FHAD1: variants seen among roughly 807,000 people sequenced by gnomAD.
FHAD1 encodes the protein forkhead associated phosphopeptide binding domain 1.
A neutral mutation model predicts 191.3 loss-of-function variants in FHAD1; 146 were observed. The observed-to-expected ratio is 0.76, with a 90% CI of 0.67 to 0.88. FHAD1 has a LOEUF of 0.88. Ranked by LOEUF, FHAD1 falls within the 40% of genes least tolerant of loss-of-function variation. The pLI is 0.00. For synonymous variants in FHAD1, 616 were observed against 672.3 expected, an observed-to-expected ratio of 0.92 and a Z score of 1.29; for missense variants, 1,635 against 1,785.8, an observed-to-expected ratio of 0.92 and a Z score of 1.52.
chr1:15,338,233 C>A (rs983678482), intron 14 of FHAD1, among the ~76,000 whole-genome samples: 2 of 152,142 alleles, frequency 1.3e-5, no homozygotes, highest in Non-Finnish European at 2.9e-5. Flanking sequence ...ATTCTCTTAG[C>A]ATTCAGGATT....
At chr1:15,370,281 T>C (rs1166613626) in intron 26 of FHAD1, among the ~76,000 whole-genome samples, 2 of 152,200 alleles carry the variant, frequency 1.3e-5, no homozygotes, top group Admixed American at 1.3e-4. Context: ...CTGGCCCATA[T>C]AGATATTTGT....
Position 15,272,334 on chromosome 1 carries a change from C to G in FHAD1, c.105C>G (p.Ile35Met). The part of the protein sequence containing the change: ...NSDLVLQSPD[I>M]DNHHALIEYN... ...CTTCTCCGTTGCAGTCTCCTGACAT[C>G]GACAACCACCATGCACTCATTGAAT... Residue 35 changes from isoleucine (I) to methionine (M), a missense_variant, in exon 3 of 34, where the codon ATC (isoleucine) becomes ATG (methionine). Physicochemically the swap from Ile to Met is conservative, Grantham distance 10. Coordinates refer to ENST00000688493, the MANE Select transcript of FHAD1 (RefSeq NM_001391957.1). The G allele has an allele frequency of 1.0e-5, 16 of 1,549,968 alleles. No homozygotes were observed. Among genetic ancestry groups the G allele is most frequent in the Non-Finnish European group, 1.4e-5 (16 of 1,145,490 alleles).
intron 31 of FHAD1, among the ~76,000 whole-genome samples, chr1:15,382,769 G>A (rs996635846): frequency 2.6e-5 from 4 of 152,226 alleles, no homozygotes; most frequent in Admixed American, 2.6e-4. Flanking sequence ...AGCCTGGTTA[G>A]AACATGCAGC....
chr1:15,247,860 A>G (rs531092301), intron 1 of FHAD1, among the ~76,000 whole-genome samples: 6 of 152,300 alleles, frequency 3.9e-5, no homozygotes, highest in Admixed American at 1.3e-4. Flanking sequence ...CTTGTGACCT[A>G]TAAGCAGGGA....
At chr1:15,324,334 C>T in intron 10 of FHAD1, 118 bp from the exon 11 acceptor site, 3 of 782,254 alleles carry the variant, frequency 3.8e-6, no homozygotes, top group Non-Finnish European at 6.5e-6. Context: ...GCCACATGGG[C>T]TGCAGCTGTG....
At chr1:15,302,561 T>G (rs897069865) in intron 6 of FHAD1, among the ~76,000 whole-genome samples, 8 of 152,078 alleles carry the variant, frequency 5.3e-5, no homozygotes, top group African/African-American at 1.9e-4. Flanking sequence ...CCGTCTCTAC[T>G]AAAAATACAA....
At chr1:15,324,187 C>T (rs1677390030) in intron 10 of FHAD1, among the ~76,000 whole-genome samples, 1 of 152,178 alleles carries the variant, frequency 6.6e-6, no homozygotes, top group Admixed American at 6.5e-5. Context: ...TGAGGTCATA[C>T]AGCTTGCTAG....
At position 15,329,384 on chromosome 1, in the gene FHAD1, GA is replaced by G. The variant is rs1680299705; in HGVS notation, c.1751del (p.Lys584ArgfsTer11). The G allele has an allele frequency of 6.4e-7, 1 of 1,550,584 alleles. No homozygotes were observed. On this transcript the variant is annotated frameshift_variant, in exon 14 of 34. Coordinates refer to ENST00000688493, the MANE Select transcript of FHAD1 (RefSeq NM_001391957.1). LOFTEE classifies it high-confidence loss of function. The surrounding 1 kb of genome is among the most constrained non-coding windows in gnomAD (Gnocchi z 5.0). ...KISCCSHDLK[K>X]EVDLLQHLQV... ...TATCCTGTTGCAGCCATGACCTGAA[GA>G]AGGAGGTCGACCTTCTTCAGCACCT... is the stretch of plus-strand genomic sequence containing the variant.
At chr1:15,278,948 A>T (rs994292308) in intron 3 of FHAD1, among the ~76,000 whole-genome samples, 7 of 152,002 alleles carry the variant, frequency 4.6e-5, no homozygotes, top group South Asian at 2.1e-4. Flanking sequence ...GTTTTTTTTT[A>T]AAACTTTGGA....
At chr1:15,392,526 GTCTCGA>G (rs1557465704) in intron 33 of FHAD1, among the ~76,000 whole-genome samples, 1 of 150,954 alleles carries the variant, frequency 6.6e-6, no homozygotes, top group African/African-American at 2.5e-5. Context: ...GCGAGACTCC[GTCTCGA>G]AAAAAAAAAA....
intron 33 of FHAD1, among the ~76,000 whole-genome samples, chr1:15,392,889 T>C (rs1207418716): frequency 2.6e-5 from 4 of 152,124 alleles, no homozygotes; most frequent in Non-Finnish European, 4.4e-5. Flanking sequence ...GGACCTAGGC[T>C]AGGCCACCTA....
At chr1:15,264,855 T>G (rs1652745720) in intron 2 of FHAD1, among the ~76,000 whole-genome samples, 1 of 152,196 alleles carries the variant, frequency 6.6e-6, no homozygotes, top group Non-Finnish European at 1.5e-5. Context: ...CTTCTATTCC[T>G]AGTATTTTTT....
intron 2 of FHAD1, among the ~76,000 whole-genome samples, chr1:15,255,484 T>C (rs1243182748): frequency 6.6e-6 from 1 of 152,222 alleles, no homozygotes; most frequent in Non-Finnish European, 1.5e-5. Context: ...TTTGGTTTCC[T>C]AATGGCAATA....
chr1:15,394,053 A>G (rs545011410), intron 33 of FHAD1, among the ~76,000 whole-genome samples: 1 of 152,228 alleles, frequency 6.6e-6, no homozygotes, highest in East Asian at 1.9e-4. Flanking sequence ...GGCTATTTAA[A>G]TGACCGGCTT....
intron 31 of FHAD1, 146 bp from the exon 32 acceptor site, chr1:15,387,905 C>T (rs1297375082): frequency 2.6e-6 from 1 of 383,146 alleles, no homozygotes; most frequent in Non-Finnish European, 5.1e-6. Context: ...GAAAAAGACT[C>T]TCCCGCAGTG....
chr1:15,317,523 G>T (rs1373000819), intron 9 of FHAD1, among the ~76,000 whole-genome samples: 1 of 152,234 alleles, frequency 6.6e-6, no homozygotes, highest in African/African-American at 2.4e-5. Context: ...TAACCCAAGA[G>T]CAGGGTTTCA....
intron 20 of FHAD1, among the ~76,000 whole-genome samples, chr1:15,356,176 A>G (rs532725394): frequency 6.6e-6 from 1 of 152,364 alleles, no homozygotes; most frequent in African/African-American, 2.4e-5. Context: ...TGTCAACCTT[A>G]AATAATGAGA....
intron 3 of FHAD1, among the ~76,000 whole-genome samples, chr1:15,278,663 G>A (rs575996107): frequency 8.6e-4 from 130 of 152,026 alleles, no homozygotes; most frequent in African/African-American, 3.1e-3. Context: ...TAGTAGAGAC[G>A]CAGTTTCACC....
rs1443300873 is a variant in FHAD1, at chr1:15,381,441, G to A, written c.4012G>A (p.Glu1338Lys). The change falls in exon 30 of 34, where the codon GAA becomes AAA. Residue 1338 changes from glutamate (E) to lysine (K), a missense_variant. Transcript: ENST00000688493. This position sits in a 1 kb window ranked among gnomAD's most constrained non-coding sequence, Gnocchi z 4.6. ...GTTGAGAGGATATGAAAAGGACGTT[G>A]AACAGCTCAGGTACCTCGGCACCCC... ...ELLRGYEKDVEQLRRSKVSIE... is the reference protein window; with the variant it reads ...ELLRGYEKDVKQLRRSKVSIE... 1.3e-6 allele frequency: 2 copies of A among 1,551,164 alleles called. No homozygotes were observed. Among genetic ancestry groups the A allele is most frequent in the Non-Finnish European group, 1.7e-6 (2 of 1,146,890 alleles).
Sources: allele counts gnomAD v4.1 joint callset (sites outside exome capture counted in the v4.1 genomes callset), GRCh38; gene constraint gnomAD v4.1.1; non-coding constraint Gnocchi (gnomAD v3.1); transcripts MANE v1.5; gene names NCBI Gene and HGNC (gene_info 2026-07-23, HGNC 2026-07-21).